Variants in MBNL1 observed in about 807,000 individuals in gnomAD.
MBNL1 encodes the protein muscleblind-like protein 1.
Under a neutral mutation model 42.2 loss-of-function variants are expected in MBNL1, and 8 were observed. That is an observed-to-expected ratio of 0.19 (90% CI 0.11 to 0.34). The LOEUF (loss-of-function observed/expected upper bound fraction) is 0.34, where lower values mean the gene tolerates loss of function less well. Among genes scored for constraint, MBNL1 ranks in the 10% least tolerant of loss-of-function variants. MBNL1 has a pLI of 1.00. For synonymous variants in MBNL1, 169 were observed against 173.9 expected (o/e 0.97, Z 0.22); for missense variants, 309 against 495.3 (o/e 0.62, Z 3.57).
chr3:152,309,054 G>C (rs1055451722), intron 2 of MBNL1, among the ~76,000 whole-genome samples: 1 of 152,054 alleles, frequency 6.6e-6, no homozygotes, highest in Non-Finnish European at 1.5e-5. Context: ...GTTAGGAGGG[G>C]GAAGTTTCTC....
At chr3:152,251,739 T>A (rs1201819775) in intron 2 of MBNL1, among the ~76,000 whole-genome samples, 1 of 152,104 alleles carries the variant, frequency 6.6e-6, no homozygotes, top group Admixed American at 6.6e-5. Flanking sequence ...TAGAGGCACA[T>A]GAGGGTCTTA....
At chr3:152,337,982 C>A (rs1430983668) in intron 2 of MBNL1, 11 of 613,840 alleles carry the variant, frequency 1.8e-5, no homozygotes, top group Non-Finnish European at 2.2e-5. Context: ...CGGATCAGCA[C>A]CCTGGGATTT....
intron 9 of MBNL1, among the ~76,000 whole-genome samples, chr3:152,459,790 T>C (rs1741524719): frequency 6.6e-6 from 1 of 152,076 alleles, no homozygotes; most frequent in South Asian, 2.1e-4. Context: ...CCAGTAAAAC[T>C]TTATTTACAA....
chr3:152,411,138 G>A (rs576615227), intron 2 of MBNL1, among the ~76,000 whole-genome samples: 9 of 152,272 alleles, frequency 5.9e-5, no homozygotes, highest in African/African-American at 2.2e-4. Flanking sequence ...AGGTCACACA[G>A]CAAATAAGTA....
chr3:152,320,839 C>A (rs1009208213), intron 2 of MBNL1, among the ~76,000 whole-genome samples: 1 of 151,852 alleles, frequency 6.6e-6, no homozygotes, highest in Non-Finnish European at 1.5e-5. Flanking sequence ...CTAACAAGGA[C>A]ATACGGTATT....
chr3:152,391,826 C>T (rs2097728852), intron 2 of MBNL1, among the ~76,000 whole-genome samples: 1 of 152,124 alleles, frequency 6.6e-6, no homozygotes, highest in African/African-American at 2.4e-5. Context: ...ATTCAATTGC[C>T]TCTGGCTTGC....
upstream of MBNL1, chr3:152,267,473 G>T (rs140281142): frequency 1.3e-5 from 2 of 152,330 alleles, no homozygotes; most frequent in Non-Finnish European, 2.9e-5. Context: ...TGGCATAGTA[G>T]GCACTAAATG....
intron 2 of MBNL1, chr3:152,335,348 A>G (rs1241649602): frequency 1.0e-6 from 1 of 978,268 alleles, no homozygotes; most frequent in Non-Finnish European, 1.4e-6. Context: ...TGTACATTAG[A>G]AACTGTTTTA....
chr3:152,398,192 A>G (rs1020146952), intron 2 of MBNL1, among the ~76,000 whole-genome samples: 1 of 152,226 alleles, frequency 6.6e-6, no homozygotes, highest in Non-Finnish European at 1.5e-5. Context: ...AGTTGCATGT[A>G]GAGACTGGGC....
At chr3:152,269,289 A>T in intron 1 of MBNL1, 197 bp downstream of exon 1, 1 of 353,312 alleles carries the variant, frequency 2.8e-6, no homozygotes, top group Non-Finnish European at 5.6e-6. Context: ...GGTGAGCCGC[A>T]GCCGCTCCTG....
chr3:152,277,770 A>G (rs1299749666), intron 1 of MBNL1, among the ~76,000 whole-genome samples: 2 of 152,158 alleles, frequency 1.3e-5, no homozygotes, highest in African/African-American at 2.4e-5. Context: ...GTTTTATTTA[A>G]TATACAGAGA....
At chr3:152,382,820 A>G (rs1249933525) in intron 2 of MBNL1, among the ~76,000 whole-genome samples, 2 of 151,952 alleles carry the variant, frequency 1.3e-5, no homozygotes, top group South Asian at 4.1e-4. Context: ...ATTTTATTCA[A>G]CTTCGTTTTA....
intron 2 of MBNL1, among the ~76,000 whole-genome samples, chr3:152,318,924 A>G (rs1312126170): frequency 3.9e-5 from 6 of 152,284 alleles, no homozygotes; most frequent in Non-Finnish European, 8.8e-5. Flanking sequence ...ATATCATGTT[A>G]ATATTTAAAA....
chr3:152,372,491 C>G (rs1009281972), intron 2 of MBNL1, among the ~76,000 whole-genome samples: 1 of 152,086 alleles, frequency 6.6e-6, no homozygotes, highest in Admixed American at 6.6e-5. Flanking sequence ...GTGTGGACAT[C>G]GTTTTTGTTG....
At position 152,290,335 on chromosome 3, in the gene MBNL1, C is replaced by T. The variant is rs142594609; in HGVS notation, c.-789-9070C>T. On this transcript the variant is annotated intron_variant, in intron 1 of 9. Coordinates refer to ENST00000324210, the MANE Select transcript of MBNL1 (RefSeq NM_021038.5). ...TAAATTATATCTGTCATTTTTTTCA[C>T]ATGTTGATTTTGTAATTTATCCTAC... 2.5e-4 allele frequency among the ~76,000 whole-genome samples: 38 copies of T among 151,488 alleles called. 1 individual carries two copies. The highest frequency in any genetic ancestry group is 9.0e-4 in the African/African-American group (37 of 41,280).
chr3:152,373,072 A>G (rs894948702), intron 2 of MBNL1, among the ~76,000 whole-genome samples: 5 of 151,972 alleles, frequency 3.3e-5, no homozygotes, highest in Admixed American at 6.6e-5. Flanking sequence ...CCCAATTCGA[A>G]CTTCCCAGAA....
chr3:152,333,568 C>T (rs1387968130), intron 2 of MBNL1, among the ~76,000 whole-genome samples: 4 of 152,162 alleles, frequency 2.6e-5, no homozygotes, highest in Non-Finnish European at 5.9e-5. Context: ...CAGATTTCAT[C>T]TTTGCTACTT....
chr3:152,439,902 T>G (rs1466282709), intron 4 of MBNL1, among the ~76,000 whole-genome samples: 2 of 152,156 alleles, frequency 1.3e-5, no homozygotes, highest in African/African-American at 4.8e-5. Flanking sequence ...AATGGCTAAT[T>G]TGGTGTATTG....
intron 2 of MBNL1, among the ~76,000 whole-genome samples, chr3:152,401,669 C>T (rs2098225907): frequency 6.6e-6 from 1 of 152,148 alleles, no homozygotes. Context: ...GATATGTGTT[C>T]TTTCATTGCA....
Sources: allele counts gnomAD v4.1 joint callset (sites outside exome capture counted in the v4.1 genomes callset), GRCh38; gene constraint gnomAD v4.1.1; transcripts MANE v1.5; gene names NCBI Gene and HGNC (gene_info 2026-07-23, HGNC 2026-07-21).